The following NEK4 variants were observed in gnomAD, a reference collection of about 807,000 sequenced individuals.
The protein encoded by NEK4 is NIMA related kinase 4, also known as serine/threonine-protein kinase Nek4.
A neutral mutation model predicts 98.4 loss-of-function variants in NEK4; 86 were observed. The observed-to-expected ratio is 0.87, with a 90% CI of 0.73 to 1.05. The LOEUF (loss-of-function observed/expected upper bound fraction) is 1.05. Ranked by LOEUF, NEK4 falls within the 50% of genes least tolerant of loss-of-function variation. The pLI, the probability that NEK4 is intolerant of heterozygous loss-of-function variation, is 0.00. For missense variants in NEK4, 898 were observed against 950.3 expected, an observed-to-expected ratio of 0.94 and a Z score of 0.72; for synonymous variants, 328 against 342.2, an observed-to-expected ratio of 0.96 and a Z score of 0.46.
intron 15 of NEK4, among the ~76,000 whole-genome samples, chr3:52,728,620 G>C (rs1265706421): frequency 6.6e-6 from 1 of 152,134 alleles, no homozygotes; most frequent in Non-Finnish European, 1.5e-5. Context: ...AAAAAGAACA[G>C]AATAACAGCG....
At chr3:52,735,330 T>C (rs1335730028) in intron 15 of NEK4, among the ~76,000 whole-genome samples, 1 of 152,260 alleles carries the variant, frequency 6.6e-6, no homozygotes, top group Non-Finnish European at 1.5e-5. Context: ...TTCAGTTTAC[T>C]CAGAATTTCC....
chr3:52,733,182 G>A, intron 15 of NEK4: 1 of 215,764 alleles, frequency 4.6e-6, no homozygotes, highest in Non-Finnish European at 9.9e-6. Flanking sequence ...AATCCATACT[G>A]CAGATAAACT....
At position 52,768,520 on chromosome 3, in the gene NEK4, A is replaced by G. The variant is rs144937048; in HGVS notation, c.178T>C (p.Leu60=). 68 of 1,614,118 alleles carry G rather than the reference A, an allele frequency of 4.2e-5. No homozygotes were observed. In the Middle Eastern group the frequency reaches 8.2e-4, roughly 20 times the overall value. Residue 60 remains leucine (L), a synonymous_variant, in exon 2 of 16, where the codon TTG becomes CTG. Coordinates refer to ENST00000233027, the MANE Select transcript of NEK4 (RefSeq NM_003157.6). ...TAGGTGACAATGTTGGGATGCTTCA[A>G]CTGAGACAAGAGCTGGGCTTCCTGT... ...AEQEAQLLSQ[L]KHPNIVTYKE...
Position 52,763,577 on chromosome 3 carries a change from T to G in NEK4, c.714A>C (p.Ile238=), listed in dbSNP as rs754453537. Residue 238 remains isoleucine (I), a synonymous_variant, in exon 5 of 16, where the codon ATA becomes ATC. Transcript: ENST00000233027. ...CAGGCCTTTTGCTCAGCATTGTTCT[T>G]ATCAGTTCTGCCAGCTCTGGGCTGT... The part of the protein sequence containing the change: ...RDYSPELAEL[I]RTMLSKRPEE... 1 of 1,613,424 alleles carries G rather than the reference T, an allele frequency of 6.2e-7. No homozygotes were observed. The highest frequency in any genetic ancestry group is 1.3e-5 in the African/African-American group (1 of 74,938).
chr3:52,721,475 C>G (rs762188920), intron 15 of NEK4, among the ~76,000 whole-genome samples: 1 of 152,086 alleles, frequency 6.6e-6, no homozygotes. Context: ...TGCCTAGAAT[C>G]CCAGAACTTT....
chr3:52,762,661 C>T (rs147076499), intron 5 of NEK4, among the ~76,000 whole-genome samples: 2,644 of 152,172 alleles, frequency 0.017, 38 homozygotes, highest in Non-Finnish European at 0.027. Flanking sequence ...GGTGGGCGGA[C>T]CACGAGGTCG....
chr3:52,759,357 C>T (rs1444147874), intron 6 of NEK4, among the ~76,000 whole-genome samples: 1 of 150,534 alleles, frequency 6.6e-6, no homozygotes, highest in African/African-American at 2.4e-5. Flanking sequence ...GCCGTGATCG[C>T]AGCACTGCAC....
chr3:52,719,979 G>A (rs2097358612), intron 15 of NEK4, among the ~76,000 whole-genome samples: 1 of 152,106 alleles, frequency 6.6e-6, no homozygotes, highest in Non-Finnish European at 1.5e-5. Flanking sequence ...CACCAGAAGA[G>A]GAGAGACAGG....
chr3:52,767,426 T>A (rs999795606), intron 2 of NEK4, among the ~76,000 whole-genome samples: 2 of 151,198 alleles, frequency 1.3e-5, no homozygotes, highest in African/African-American at 4.9e-5. Flanking sequence ...AGAGAAAGTA[T>A]CTCAGCCGGG....
At chr3:52,741,550 T>C (rs1001026828) in intron 12 of NEK4, 51 bp from the exon 13 acceptor site, 2 of 1,147,084 alleles carry the variant, frequency 1.7e-6, no homozygotes, top group Non-Finnish European at 2.6e-6. Flanking sequence ...ACAACCAGAA[T>C]GTGATACTTG....
intron 15 of NEK4, among the ~76,000 whole-genome samples, chr3:52,719,397 A>G (rs1364715011): frequency 6.6e-6 from 1 of 152,120 alleles, no homozygotes; most frequent in Non-Finnish European, 1.5e-5. Flanking sequence ...CAGCCTGACC[A>G]ATATGGTGAA....
intron 2 of NEK4, among the ~76,000 whole-genome samples, chr3:52,766,888 A>G (rs1254050281): frequency 6.6e-6 from 1 of 152,152 alleles, no homozygotes; most frequent in African/African-American, 2.4e-5. Flanking sequence ...CGGGACGCTG[A>G]GGCAGGAGAA....
In NEK4 at chr3:52,710,420, T is replaced by G. The variant is rs61220667; in HGVS notation, c.*1357A>C. The G allele has an allele frequency of 0.071, 10,794 of 151,264 alleles. 913 individuals carry two copies. The highest frequency in any genetic ancestry group is 0.2 in the African/African-American group (8,387 of 41,124). The allele number at this position is 151,264 out of a possible 1,614,324, so 9.4% of individuals were successfully genotyped here. A position where few individuals can be genotyped will look rare whatever the true frequency, so the allele number is the denominator to read the frequency against. ...AAAGGGAACATTTCATTAGAGTATT[T>G]GTGTGTGTGTGTAATTTTCAAAGAT... On this transcript the variant is annotated 3_prime_UTR_variant, in exon 16 of 16. Coordinates refer to ENST00000233027, the MANE Select transcript of NEK4 (RefSeq NM_003157.6).
chr3:52,741,569 T>C, intron 12 of NEK4, 70 bp from the exon 13 acceptor site: 1 of 926,708 alleles, frequency 1.1e-6, no homozygotes. Flanking sequence ...TGAACCAGTC[T>C]TAGATGCAAC....
At position 52,751,857 on chromosome 3, in the gene NEK4, CAG is replaced by C. The variant is rs1366905021; in HGVS notation, c.1368+73_1368+74del. On this transcript the variant is annotated intron_variant, in intron 7 of 15. Transcript: ENST00000233027. The stretch of plus-strand genomic sequence containing the variant: ...ATTACTGATTTTCCTAAAATGACAA[CAG>C]AACCCACATATTTGTAACTGCACTT... 1.9e-5 allele frequency: 26 copies of C among 1,373,186 alleles called. No homozygotes were observed. In the East Asian group the frequency reaches 6.0e-4, roughly 32 times the overall value. 85.1% of individuals were successfully genotyped at this position (1,373,186 alleles called of 1,614,324 possible).
Position 52,743,422 on chromosome 3 carries a change from G to C in NEK4, c.1934C>G (p.Pro645Arg). 1 of 1,614,118 alleles carries C rather than the reference G, an allele frequency of 6.2e-7. No individual in the cohort carries two copies. Residue 645 changes from proline to arginine, a missense_variant, in exon 12 of 16, where the codon CCA becomes CGA. By Grantham distance (103) the Pro-to-Arg change is moderately radical. Coordinates refer to ENST00000233027, the MANE Select transcript of NEK4 (RefSeq NM_003157.6). ...CTGGTCTTCTTCCTGGGGTTTTCCT[G>C]GCCCTGCTACACTCAGAGACGCTTT... ...VRKASLSVAG[P>R]GKPQEEDQPL...
rs755831854 is a variant in NEK4, at chr3:52,752,099, A to G, written c.1201T>C (p.Cys401Arg). 16 of 1,614,228 alleles carry G rather than the reference A, an allele frequency of 9.9e-6. No individual in the cohort carries two copies. The highest frequency in any genetic ancestry group is 1.2e-5 in the Non-Finnish European group (14 of 1,180,046). ...TCCTCTTCCACTTGAGAAATACTGC[A>G]TATACCTCCTAACTCATTAGAGGCA... is the stretch of plus-strand genomic sequence containing the variant. ...LDASNELGGI[C>R]SISQVEEEML... Residue 401 changes from cysteine to arginine, a missense_variant, in exon 7 of 16, where the codon TGC (cysteine) becomes CGC (arginine). Transcript: ENST00000233027.
At chr3:52,757,219 T>C (rs1366094234) in intron 6 of NEK4, among the ~76,000 whole-genome samples, 3 of 152,172 alleles carry the variant, frequency 2.0e-5, no homozygotes, top group African/African-American at 4.8e-5. Context: ...AGAATTACCA[T>C]GTAGTCAGCA....
At chr3:52,766,481 C>T (rs997433528) in intron 2 of NEK4, 106 bp from the exon 3 acceptor site, 53 of 760,248 alleles carry the variant, frequency 7.0e-5, no homozygotes, top group Middle Eastern at 3.7e-4. Context: ...AGTCTTTGAC[C>T]GTAAAGAGTA....
Sources: gnomAD v4.1 joint callset for allele counts (sites outside exome capture counted in the v4.1 genomes callset) on GRCh38, gnomAD v4.1.1 for gene constraint, MANE v1.5 for transcripts, NCBI Gene and HGNC (gene_info 2026-07-23, HGNC 2026-07-21) for gene names.